Variants in TTC6 observed in about 807,000 individuals in gnomAD.
TTC6 encodes the protein tetratricopeptide repeat domain 6, also known as tetratricopeptide repeat protein 6.
TTC6 carries 172 observed loss-of-function variants against 210.4 expected under a neutral mutation model. The observed-to-expected ratio is 0.82, with a 90% CI of 0.72 to 0.93. TTC6 has a LOEUF of 0.93. TTC6 is among the 40% of genes least tolerant of loss of function. TTC6 has a pLI of 0.00. For missense variants in TTC6, 2,414 were observed against 2,318.1 expected, an observed-to-expected ratio of 1.04 and a Z score of -0.85; for synonymous variants, 804 against 819.6, an observed-to-expected ratio of 0.98 and a Z score of 0.32.
At chr14:37,768,739 G>A (rs1430368982) in intron 14 of TTC6, among the ~76,000 whole-genome samples, 2 of 152,064 alleles carry the variant, frequency 1.3e-5, no homozygotes, top group African/African-American at 4.8e-5. Flanking sequence ...CAATCATGTC[G>A]TCTGCAAAGA....
chr14:37,620,949 T>C (rs2095650084), upstream of TTC6, among the ~76,000 whole-genome samples: 1 of 152,238 alleles, frequency 6.6e-6, no homozygotes, highest in South Asian at 2.1e-4. Flanking sequence ...TTATTCTTTC[T>C]TCTAGTCAAT....
At position 37,807,565 on chromosome 14, in the gene TTC6, T is replaced by C. The variant is rs577129702; in HGVS notation, c.4455+105T>C. On this transcript the variant is annotated intron_variant, in intron 23 of 30. Coordinates refer to ENST00000553443, the Ensembl canonical transcript of TTC6. ...TTTTTTCTATGTGGTTGGGAATCAC[T>C]ATGATATGAAGGGCAGAACTACATA... 158 of 997,442 alleles carry C rather than the reference T, an allele frequency of 1.6e-4. 1 individual carries two copies. The South Asian group carries it at 4.5e-3, about 28-fold the overall frequency. The allele number at this position is 997,442 out of a possible 1,614,324, so 61.8% of individuals were successfully genotyped here. A position where few individuals can be genotyped will look rare whatever the true frequency, so the allele number is the denominator to read the frequency against.
intron 5 of TTC6, among the ~76,000 whole-genome samples, chr14:37,709,851 A>G (rs1265546824): frequency 6.6e-6 from 1 of 152,148 alleles, no homozygotes; most frequent in African/African-American, 2.4e-5. Flanking sequence ...GACTAAAGAA[A>G]GCTATTTGTA....
At chr14:37,808,317 A>T (rs2096122843) in intron 23 of TTC6, among the ~76,000 whole-genome samples, 1 of 152,182 alleles carries the variant, frequency 6.6e-6, no homozygotes. Context: ...AGCAAAAGAG[A>T]ACGTGGGTAG....
intron 7 of TTC6, among the ~76,000 whole-genome samples, chr14:37,732,709 C>T (rs1451201062): frequency 6.6e-6 from 1 of 151,816 alleles, no homozygotes; most frequent in Non-Finnish European, 1.5e-5. Flanking sequence ...AGCTCCGCCT[C>T]CTGGGTTCAC....
At chr14:37,683,103 C>A in intron 3 of TTC6, 139 bp downstream of exon 5, 1 of 697,458 alleles carries the variant, frequency 1.4e-6, no homozygotes, top group Non-Finnish European at 2.3e-6. Flanking sequence ...AAAAGGGGGC[C>A]TCAGAAGTGC....
chr14:37,744,404 G>A (rs182329017), intron 10 of TTC6, among the ~76,000 whole-genome samples: 115 of 152,338 alleles, frequency 7.5e-4, no homozygotes, highest in African/African-American at 2.6e-3. Context: ...GTGGTCAGAA[G>A]CCTCTATAAG....
In TTC6 at chr14:37,781,034, G is replaced by A. The variant is rs145266331; in HGVS notation, c.3267-6434G>A. On this transcript the variant is annotated intron_variant, in intron 14 of 30. Coordinates refer to ENST00000553443, the Ensembl canonical transcript of TTC6. Reference sequence around the variant, plus strand: ...TTCTTAATCCATTCTATCATTGGTAGACATTTGAGTCAGTTCCAAGTCTTT... The same window carrying A: ...TTCTTAATCCATTCTATCATTGGTAAACATTTGAGTCAGTTCCAAGTCTTT... Among the ~76,000 whole-genome samples, 546 of 152,282 alleles carry A rather than the reference G, an allele frequency of 3.6e-3. 4 individuals carry two copies. The highest frequency in any genetic ancestry group is 0.013 in the African/African-American group (528 of 41,560).
At chr14:37,623,100 A>G (rs1302650806) in intron 1 of TTC6, 97 bp downstream of exon 3, 5 of 843,822 alleles carry the variant, frequency 5.9e-6, no homozygotes, top group Non-Finnish European at 8.7e-6. Context: ...ATTTCAGTGC[A>G]TAAGGTGTCA....
chr14:37,705,570 T>C (rs1022596245), intron 5 of TTC6, among the ~76,000 whole-genome samples: 2 of 152,142 alleles, frequency 1.3e-5, no homozygotes, highest in Non-Finnish European at 2.9e-5. Context: ...TGTGTAAACA[T>C]CTTTCCATGT....
chr14:37,831,714 T>G (rs1491002108), intron 29 of TTC6, among the ~76,000 whole-genome samples: 1 of 151,386 alleles, frequency 6.6e-6, no homozygotes, highest in Non-Finnish European at 1.5e-5. Flanking sequence ...ATGTTCAACA[T>G]TTTTTTATAG....
rs561670984 is a variant in TTC6 at position 37,783,907 on chromosome 14, G to A, written c.3267-3561G>A. On this transcript the variant is annotated intron_variant, in intron 14 of 30. Coordinates refer to ENST00000553443, the Ensembl canonical transcript of TTC6. ...TTATTTACCCAGTAGTCATTCAGGA[G>A]CAGGTTGTTCAGCTTCCATGTAGTT... 2.6e-5 allele frequency among the ~76,000 whole-genome samples: 4 copies of A among 152,276 alleles called. No individual in the cohort carries two copies. The South Asian group carries it at 8.3e-4, about 32-fold the overall frequency.
chr14:37,660,392 C>T (rs893133188), intron 1 of TTC6, among the ~76,000 whole-genome samples: 1 of 152,118 alleles, frequency 6.6e-6, no homozygotes, highest in African/African-American at 2.4e-5. Context: ...ACACCTCACC[C>T]CTGGACAGGC....
chr14:37,739,093 G>T, exon 10 of TTC6: 2 of 1,529,392 alleles, frequency 1.3e-6, no homozygotes, highest in South Asian at 2.4e-5. Flanking sequence ...AGAAAAGATT[G>T]AAACAACAAA....
intron 1 of TTC6, among the ~76,000 whole-genome samples, chr14:37,663,687 A>C (rs962639708): frequency 6.6e-6 from 1 of 152,110 alleles, no homozygotes; most frequent in African/African-American, 2.4e-5. Flanking sequence ...TGCTATGATG[A>C]AAGTTAGTAT....
chr14:37,766,327 T>C (rs2095999252), intron 14 of TTC6, among the ~76,000 whole-genome samples: 1 of 152,212 alleles, frequency 6.6e-6, no homozygotes, highest in Admixed American at 6.6e-5. Flanking sequence ...ATAAGCACAG[T>C]AACCAATACG....
At chr14:37,675,986 G>A (rs185576924) in intron 1 of TTC6, among the ~76,000 whole-genome samples, 223 of 152,110 alleles carry the variant, frequency 1.5e-3, no homozygotes, top group Non-Finnish European at 2.0e-3. Context: ...AATTCACAGA[G>A]TTTTATGATT....
chr14:37,796,742 A>G, intron 19 of TTC6, 45 bp from the exon 22 acceptor site: 1 of 1,549,804 alleles, frequency 6.5e-7, no homozygotes. Flanking sequence ...ATTCAAAATC[A>G]TTGATACTTG....
intron 29 of TTC6, among the ~76,000 whole-genome samples, chr14:37,840,611 C>A (rs1403109474): frequency 2.0e-5 from 3 of 152,132 alleles, no homozygotes; most frequent in African/African-American, 7.2e-5. Flanking sequence ...AAAATACTGG[C>A]AAACTGAATC....
Sources: gnomAD v4.1 joint callset for allele counts (sites outside exome capture counted in the v4.1 genomes callset) on GRCh38, gnomAD v4.1.1 for gene constraint, MANE v1.5 for transcripts, NCBI Gene and HGNC (gene_info 2026-07-23, HGNC 2026-07-21) for gene names.